Variants in LARGE1 observed in about 807,000 individuals in gnomAD.
LARGE1 encodes xylosyl- and glucuronyltransferase LARGE1.
In LARGE1, 43 loss-of-function variants were observed where a neutral mutation model predicts 87.6. That is an observed-to-expected ratio of 0.49 (90% CI 0.38 to 0.63). LARGE1 has a LOEUF of 0.63. LARGE1 is among the 30% of genes least tolerant of loss of function. The probability of loss-of-function intolerance (pLI) is 0.00; values close to 1 mark genes in which losing one functional copy is unlikely to be tolerated. For synonymous variants in LARGE1, 434 were observed against 394.6 expected, an observed-to-expected ratio of 1.10 and a Z score of -1.18; for missense variants, 802 against 1,000.2, an observed-to-expected ratio of 0.80 and a Z score of 2.67.
chr22:33,221,450 TAA>T (rs1269954411), intron 11 of LARGE1, among the ~76,000 whole-genome samples: 1 of 152,220 alleles, frequency 6.6e-6, no homozygotes, highest in Non-Finnish European at 1.5e-5. Flanking sequence ...GCAAGTTATT[TAA>T]AACTGGGTAT....
chr22:33,451,332 C>T (rs2067910353), intron 6 of LARGE1, among the ~76,000 whole-genome samples: 1 of 150,998 alleles, frequency 6.6e-6, no homozygotes, highest in African/African-American at 2.4e-5. Flanking sequence ...GAAAAGAACG[C>T]TCAGCTGCCA....
intron 1 of LARGE1, among the ~76,000 whole-genome samples, chr22:33,876,680 C>T (rs929062520): frequency 2.6e-5 from 4 of 151,818 alleles, no homozygotes; most frequent in African/African-American, 7.3e-5. Context: ...GGAGGGAGAG[C>T]ATTAGGACAA....
chr22:33,148,348 T>C, the LARGE1 span, among the ~76,000 whole-genome samples: 2 of 152,242 alleles, frequency 1.3e-5, no homozygotes, highest in African/African-American at 2.4e-5. Flanking sequence ...TCTATTACTA[T>C]TGGATTTTTC....
chr22:33,635,448 T>C (rs1407174421), intron 3 of LARGE1, among the ~76,000 whole-genome samples: 1 of 152,170 alleles, frequency 6.6e-6, no homozygotes, highest in Non-Finnish European at 1.5e-5. Context: ...TTGTCCTTAC[T>C]GGAGTCAAAA....
intron 1 of LARGE1, among the ~76,000 whole-genome samples, chr22:33,857,602 T>A (rs982860341): frequency 6.6e-6 from 1 of 152,222 alleles, no homozygotes; most frequent in African/African-American, 2.4e-5. Context: ...AAAATGATAA[T>A]CGAGTGCATC....
At chr22:33,510,309 T>C (rs908765223) in intron 6 of LARGE1, among the ~76,000 whole-genome samples, 6 of 152,228 alleles carry the variant, frequency 3.9e-5, no homozygotes, top group African/African-American at 1.4e-4. Flanking sequence ...AAGCATTTTA[T>C]ACATATTTAC....
chr22:33,839,689 T>C (rs5754714), intron 1 of LARGE1, among the ~76,000 whole-genome samples: 26,273 of 152,156 alleles, frequency 0.17, 2,943 homozygotes, highest in East Asian at 0.41. Flanking sequence ...TGGGGACCAA[T>C]TGATTCTTTG....
At chr22:33,396,463 CAGAGAGAGAGAGAGAGAGAGAG>C (rs3071529) in intron 7 of LARGE1, among the ~76,000 whole-genome samples, 1 of 104,640 alleles carries the variant, frequency 9.6e-6, no homozygotes, top group Non-Finnish European at 1.8e-5. Context: ...GAGAGAGTGA[CAGAGAGAGAGAGAGAGAGAGAG>C]AGAGAGAGAG....
chr22:33,152,033 A>G, the LARGE1 span, among the ~76,000 whole-genome samples: 1,347 of 152,134 alleles, frequency 8.9e-3, 19 homozygotes, highest in African/African-American at 0.031. Context: ...ATGTTTGATA[A>G]AAGTTGCCAG....
intron 10 of LARGE1, among the ~76,000 whole-genome samples, chr22:33,327,375 A>C (rs1356779756): frequency 6.6e-6 from 1 of 152,170 alleles, no homozygotes; most frequent in Non-Finnish European, 1.5e-5. Context: ...CAGTTGAGAG[A>C]GCGGGTATCC....
intron 11 of LARGE1, among the ~76,000 whole-genome samples, chr22:33,312,861 G>A (rs1315721013): frequency 6.6e-6 from 1 of 152,206 alleles, no homozygotes; most frequent in African/African-American, 2.4e-5. Context: ...TGCCATGGAG[G>A]AGAAGGAAAC....
intron 6 of LARGE1, among the ~76,000 whole-genome samples, chr22:33,437,717 C>T (rs1003362187): frequency 5.9e-5 from 9 of 151,832 alleles, no homozygotes; most frequent in African/African-American, 1.9e-4. Context: ...AGCTTAGTAT[C>T]GATTGAGGGT....
intron 6 of LARGE1, among the ~76,000 whole-genome samples, chr22:33,465,809 G>A (rs561624895): frequency 1.3e-5 from 2 of 152,286 alleles, no homozygotes; most frequent in East Asian, 1.9e-4. Flanking sequence ...GCTCACAACA[G>A]GAATCTGCGT....
At chr22:33,836,919 T>C (rs987362926) in intron 1 of LARGE1, among the ~76,000 whole-genome samples, 16 of 152,000 alleles carry the variant, frequency 1.1e-4, no homozygotes, top group African/African-American at 3.6e-4. Flanking sequence ...GTTCAGATAA[T>C]AGCAGTTTAC....
Position 33,603,692 on chromosome 22 carries a change from T to TA in LARGE1, c.615+742dup, listed in dbSNP as rs2079170641. Among the ~76,000 whole-genome samples the TA allele has an allele frequency of 2.0e-5, 3 of 152,060 alleles. 1 individual carries two copies. In the South Asian group the frequency reaches 6.2e-4, roughly 32 times the overall value. On this transcript the variant is annotated intron_variant, in intron 5 of 14. Transcript: ENST00000397394. ...GGAACCAGAGGTGTGCTCTGCTACT[T>TA]AGAGTTAAAGGAATAGCGAAGGTTT...
chr22:33,908,733 G>A (rs1013540597), intron 1 of LARGE1, among the ~76,000 whole-genome samples: 2 of 152,144 alleles, frequency 1.3e-5, no homozygotes, highest in Non-Finnish European at 2.9e-5. Context: ...CTGTCTGTAA[G>A]GGATTGGATT....
At chr22:33,150,216 T>C in the LARGE1 span, among the ~76,000 whole-genome samples, 1 of 152,186 alleles carries the variant, frequency 6.6e-6, no homozygotes, top group African/African-American at 2.4e-5. Context: ...TGCTTCCTTA[T>C]CACCCCTTAG....
At chr22:33,103,586 C>T in the LARGE1 span, among the ~76,000 whole-genome samples, 2 of 152,016 alleles carry the variant, frequency 1.3e-5, no homozygotes. Context: ...AGGTAACAAC[C>T]ATGTTGCGAG....
chr22:33,819,596 G>A (rs1445565054), intron 1 of LARGE1, among the ~76,000 whole-genome samples: 1 of 151,758 alleles, frequency 6.6e-6, no homozygotes, highest in African/African-American at 2.4e-5. Flanking sequence ...GAAGTCAACT[G>A]CCTTGACTTC....
Sources: gnomAD v4.1 joint callset for allele counts (sites outside exome capture counted in the v4.1 genomes callset) on GRCh38, gnomAD v4.1.1 for gene constraint, MANE v1.5 for transcripts, NCBI Gene and HGNC (gene_info 2026-07-23, HGNC 2026-07-21) for gene names.